Variants in TANGO2 observed in about 807,000 individuals in gnomAD.
The protein encoded by TANGO2 is transport and Golgi organization protein 2 homolog.
A neutral mutation model predicts 39.1 loss-of-function variants in TANGO2; 26 were observed. The observed-to-expected ratio is 0.67, with a 90% CI of 0.49 to 0.92. The LOEUF is 0.92. TANGO2 is among the 40% of genes least tolerant of loss of function. TANGO2 has a pLI of 0.00. For synonymous variants in TANGO2, 131 were observed against 144.5 expected (o/e 0.91, Z 0.67); for missense variants, 326 against 360.1 (o/e 0.91, Z 0.77).
intron 1 of TANGO2, among the ~76,000 whole-genome samples, chr22:20,022,824 A>AG (rs769894945): frequency 2.0e-5 from 3 of 152,224 alleles, no homozygotes; most frequent in Non-Finnish European, 2.9e-5. Flanking sequence ...GGCCCGGGAT[A>AG]GGGAGGCTGG....
At chr22:20,039,931 G>A (rs971285274) in intron 2 of TANGO2, among the ~76,000 whole-genome samples, 10 of 151,658 alleles carry the variant, frequency 6.6e-5, no homozygotes, top group African/African-American at 2.4e-4. Context: ...GTGTCAGGTG[G>A]TGATGGATAA....
rs201088226 is a variant in TANGO2, at chr22:20,048,691, G to C, written c.146-3774G>C. On this transcript the variant is annotated intron_variant, in intron 3 of 8. Transcript: ENST00000327374. The stretch of plus-strand genomic sequence containing the variant: ...TGGGTGGAGTCTTACTCTGTTGCCA[G>C]GCTGGAGTACAGTGGTGCGATCTCA... Among the ~76,000 whole-genome samples the C allele has an allele frequency of 6.6e-5, 10 of 151,928 alleles. No homozygotes were observed. The East Asian group carries it at 1.9e-3, about 29-fold the overall frequency.
intron 3 of TANGO2, among the ~76,000 whole-genome samples, chr22:20,046,725 T>C (rs2045290978): frequency 6.6e-6 from 1 of 152,148 alleles, no homozygotes; most frequent in Admixed American, 6.6e-5. Flanking sequence ...TACATACATG[T>C]GCCATGTTGG....
intron 1 of TANGO2, among the ~76,000 whole-genome samples, chr22:20,027,861 C>T (rs1044599180): frequency 6.6e-6 from 1 of 152,070 alleles, no homozygotes; most frequent in African/African-American, 2.4e-5. Context: ...TGAAGTGGCA[C>T]AATCTCGGTT....
At chr22:20,055,879 C>T (rs1176365847) in intron 5 of TANGO2, 64 bp from the exon 6 acceptor site, 2 of 1,397,586 alleles carry the variant, frequency 1.4e-6, no homozygotes, top group Admixed American at 1.7e-5. Flanking sequence ...TGTGAGATCA[C>T]CGGGCAGTGT....
intron 5 of TANGO2, chr22:20,054,053 G>A (rs1171178973): frequency 1.0e-5 from 3 of 292,202 alleles, no homozygotes. Context: ...TTAGTCCGGG[G>A]CCTTCTGCCA....
chr22:20,026,176 G>A (rs566196128), intron 1 of TANGO2, among the ~76,000 whole-genome samples: 1 of 152,314 alleles, frequency 6.6e-6, no homozygotes, highest in African/African-American at 2.4e-5. Flanking sequence ...GAGGCGGGGG[G>A]ATCATGAGGT....
intron 5 of TANGO2, chr22:20,054,495 G>A (rs920331229): frequency 6.6e-6 from 1 of 152,448 alleles, no homozygotes; most frequent in African/African-American, 2.4e-5. Context: ...CTGTGTGGAG[G>A]TGGGGTGCCA....
chr22:20,022,303 C>T (rs1035607396), intron 1 of TANGO2, among the ~76,000 whole-genome samples: 1 of 152,342 alleles, frequency 6.6e-6, no homozygotes, highest in Non-Finnish European at 1.5e-5. Context: ...GTGTCTGTGT[C>T]CTGCGTCTGT....
chr22:20,053,581 T>C (rs2046805014), intron 5 of TANGO2, 30 bp downstream of exon 5: 1 of 1,417,540 alleles, frequency 7.1e-7, no homozygotes, highest in Non-Finnish European at 1.0e-6. Flanking sequence ...ATGGCGGCTC[T>C]GCCCAGCACT....
At chr22:20,017,883 G>C (rs577388484), upstream of TANGO2, among the ~76,000 whole-genome samples, 2 of 152,294 alleles carry the variant, frequency 1.3e-5, no homozygotes, top group East Asian at 3.9e-4. Context: ...CAGTGACCCT[G>C]GCTCACGCAT....
intron 2 of TANGO2, among the ~76,000 whole-genome samples, chr22:20,040,375 T>C (rs937167349): frequency 5.9e-5 from 9 of 152,192 alleles, no homozygotes. Flanking sequence ...GTAAGAGCAT[T>C]ATGTCAGAAT....
In TANGO2 at chr22:20,052,498, C is replaced by T; in HGVS notation, c.179C>T (p.Thr60Ile). The change falls in exon 4 of 9, where the codon ACA becomes ATA. Residue 60 changes from threonine to isoleucine, a missense_variant. Thr to Ile is a moderately conservative substitution (Grantham distance 89, BLOSUM62 -1). Transcript: ENST00000327374. ...LDMEEGKEGG[T>I]WLGISTRGKL... is the part of the protein sequence containing the mutation. ...ATGGAGGAAGGCAAGGAAGGAGGCACATGGCTGGGCATCAGCACACGTGGC... is the reference window on the plus strand; with the variant it reads ...ATGGAGGAAGGCAAGGAAGGAGGCATATGGCTGGGCATCAGCACACGTGGC... 6.2e-7 allele frequency: 1 copy of T among 1,606,864 alleles called. No homozygotes were observed. Among genetic ancestry groups the T allele is most frequent in the Non-Finnish European group, 8.5e-7 (1 of 1,176,864 alleles).
chr22:20,036,001 T>C (rs997608375), intron 1 of TANGO2, among the ~76,000 whole-genome samples: 1 of 152,144 alleles, frequency 6.6e-6, no homozygotes, highest in South Asian at 2.1e-4. Flanking sequence ...ACCAAAGAAG[T>C]TCAGTCTAAG....
At chr22:20,041,781 C>T (rs1017068461) in intron 2 of TANGO2, among the ~76,000 whole-genome samples, 1 of 152,152 alleles carries the variant, frequency 6.6e-6, no homozygotes, top group Non-Finnish European at 1.5e-5. Context: ...TTATGAATGT[C>T]TGTTATTTCA....
chr22:20,036,947 G>T (rs767275977), intron 2 of TANGO2, 93 bp downstream of exon 2: 1 of 1,613,612 alleles, frequency 6.2e-7, no homozygotes, highest in South Asian at 1.1e-5. Context: ...GCAGGAAGGT[G>T]TGTGGGCCAG....
upstream of TANGO2, among the ~76,000 whole-genome samples, chr22:20,018,605 G>C (rs539930330): frequency 6.6e-6 from 1 of 152,178 alleles, no homozygotes; most frequent in East Asian, 1.9e-4. Flanking sequence ...ATCTGTGCAA[G>C]TGAGACTACC....
intron 1 of TANGO2, among the ~76,000 whole-genome samples, chr22:20,029,328 G>A (rs1288349047): frequency 6.6e-6 from 1 of 152,186 alleles, no homozygotes; most frequent in East Asian, 1.9e-4. Flanking sequence ...GAGAGTTCTC[G>A]AAAGCATCAG....
intron 1 of TANGO2, among the ~76,000 whole-genome samples, chr22:20,025,077 CAG>C (rs1465586063): frequency 6.6e-6 from 1 of 150,846 alleles, no homozygotes; most frequent in African/African-American, 2.4e-5. Flanking sequence ...CGTTTTGAGA[CAG>C]AGTCTTGCTT....
Sources: allele counts gnomAD v4.1 joint callset (sites outside exome capture counted in the v4.1 genomes callset), GRCh38; gene constraint gnomAD v4.1.1; transcripts MANE v1.5; gene names NCBI Gene and HGNC (gene_info 2026-07-23, HGNC 2026-07-21).